The following APP variants were observed in gnomAD, a reference collection of about 807,000 sequenced individuals.
The protein encoded by APP is amyloid-beta precursor protein.
APP carries 31 observed loss-of-function variants against 101.4 expected under a neutral mutation model. The ratio of observed to expected loss-of-function variants is 0.31; its 90% confidence interval spans 0.23 to 0.41. The LOEUF is 0.41. Among genes scored for constraint, APP ranks in the 10% least tolerant of loss-of-function variants. The probability of loss-of-function intolerance (pLI) is 1.00; values close to 1 mark genes in which losing one functional copy is unlikely to be tolerated. For missense variants in APP, 839 were observed against 1,003.7 expected (o/e 0.84, Z 2.22); for synonymous variants, 366 against 364.4 (o/e 1.00, Z -0.05).
At chr21:25,897,295 TA>T (rs1286516688) in intron 16 of APP, among the ~76,000 whole-genome samples, 1 of 152,122 alleles carries the variant, frequency 6.6e-6, no homozygotes, top group African/African-American at 2.4e-5. Flanking sequence ...TTTGTATTTT[TA>T]GTAGAGATGG....
chr21:25,891,781 T>A lies in APP; in HGVS notation c.2152A>T (p.Ile718Phe), dbSNP rs1257634077. The change falls in exon 17 of 18, where the codon ATC becomes TTC. Residue 718 changes from isoleucine (I) to phenylalanine (F), a missense_variant. Ile to Phe is a conservative substitution (Grantham distance 21). Coordinates refer to ENST00000346798, the MANE Select transcript of APP (RefSeq NM_000484.4). ...TTCTTCTTCAGCATCACCAAGGTGATGACGATCACTGTCGCTATGACAACA... is the reference window on the plus strand; with the variant it reads ...TTCTTCTTCAGCATCACCAAGGTGAAGACGATCACTGTCGCTATGACAACA... ...GGVVIATVIV[I>F]TLVMLKKKQY... The A allele has an allele frequency of 1.2e-6, 2 of 1,614,196 alleles. No individual in the cohort carries two copies. Among genetic ancestry groups the A allele is most frequent in the Non-Finnish European group, 1.7e-6 (2 of 1,180,022 alleles).
intron 5 of APP, among the ~76,000 whole-genome samples, chr21:26,033,097 G>A (rs575548738): frequency 6.6e-6 from 1 of 152,294 alleles, no homozygotes; most frequent in Non-Finnish European, 1.5e-5. Flanking sequence ...TGTAGAAACA[G>A]GGAATGGCAC....
intron 11 of APP, among the ~76,000 whole-genome samples, chr21:25,959,326 G>C (rs1021163843): frequency 3.3e-5 from 5 of 152,156 alleles, no homozygotes; most frequent in Admixed American, 6.5e-5. Flanking sequence ...CCAGCTACTC[G>C]GGAGGCTGAG....
intron 3 of APP, among the ~76,000 whole-genome samples, chr21:26,064,767 G>A (rs976576031): frequency 1.3e-5 from 2 of 152,178 alleles, no homozygotes; most frequent in African/African-American, 4.8e-5. Flanking sequence ...AAGGAGATGA[G>A]GGCTCAGATG....
chr21:25,952,997 G>A lies in APP; in HGVS notation c.1687+1593C>T, dbSNP rs112820171. Among the ~76,000 whole-genome samples, 19 of 152,332 alleles carry A rather than the reference G, an allele frequency of 1.2e-4. 1 individual carries two copies. The highest frequency in any genetic ancestry group is 4.6e-4 in the African/African-American group (19 of 41,566). On this transcript the variant is annotated intron_variant, in intron 13 of 17. Coordinates refer to ENST00000346798, the MANE Select transcript of APP (RefSeq NM_000484.4). The stretch of plus-strand genomic sequence containing the variant: ...GAGATCTCTGTTCTCAATTCATGGT[G>A]TAGACTAAAAACTCCACCTCCACTA...
chr21:26,044,656 C>T (rs1278802202), intron 5 of APP, among the ~76,000 whole-genome samples: 1 of 152,136 alleles, frequency 6.6e-6, no homozygotes, highest in Non-Finnish European at 1.5e-5. Flanking sequence ...TCTCCTGCCT[C>T]AGCCTCCCGA....
intron 8 of APP, among the ~76,000 whole-genome samples, chr21:25,984,599 C>T (rs968431333): frequency 6.6e-6 from 1 of 151,848 alleles, no homozygotes; most frequent in African/African-American, 2.4e-5. Flanking sequence ...TGCTAAATAC[C>T]ACGTTCTTAC....
chr21:26,093,564 C>A (rs909646528), intron 2 of APP, among the ~76,000 whole-genome samples: 2 of 152,102 alleles, frequency 1.3e-5, no homozygotes, highest in African/African-American at 4.8e-5. Context: ...ATAGTTGGTG[C>A]AACAGGGCAG....
At chr21:26,107,079 C>T (rs1364878836) in intron 2 of APP, among the ~76,000 whole-genome samples, 1 of 152,188 alleles carries the variant, frequency 6.6e-6, no homozygotes, top group African/African-American at 2.4e-5. Context: ...GATTCTACAG[C>T]ATGTTCCTCC....
At chr21:26,159,080 T>C (rs1334629220) in intron 1 of APP, among the ~76,000 whole-genome samples, 8 of 151,512 alleles carry the variant, frequency 5.3e-5, no homozygotes, top group Middle Eastern at 3.4e-3. Context: ...AACAATAAGA[T>C]AGTAAATTTT....
intron 3 of APP, among the ~76,000 whole-genome samples, chr21:26,079,734 T>C (rs547477841): frequency 6.6e-6 from 1 of 152,294 alleles, no homozygotes; most frequent in African/African-American, 2.4e-5. Flanking sequence ...CGTGTGAAAT[T>C]TAAATTATAC....
chr21:26,145,736 TG>T, intron 1 of APP, among the ~76,000 whole-genome samples: 1 of 152,348 alleles, frequency 6.6e-6, no homozygotes, highest in South Asian at 2.1e-4. Flanking sequence ...CACTTGAATC[TG>T]CTACTGACAT....
At chr21:25,909,266 CAAAAAAAAA>C (rs35504500) in intron 14 of APP, among the ~76,000 whole-genome samples, 2 of 76,226 alleles carry the variant, frequency 2.6e-5, no homozygotes, top group East Asian at 3.3e-4. Flanking sequence ...GACTCCGTCT[CAAAAAAAAA>C]AAAAAAAAAA....
chr21:26,127,179 T>C (rs1214411959), intron 1 of APP, among the ~76,000 whole-genome samples: 3 of 137,090 alleles, frequency 2.2e-5, no homozygotes, highest in Admixed American at 1.5e-4. Context: ...ATCTTGAGGG[T>C]TAATTATCCA....
chr21:26,140,833 G>A (rs1174801393), intron 1 of APP, among the ~76,000 whole-genome samples: 2 of 152,222 alleles, frequency 1.3e-5, no homozygotes, highest in Non-Finnish European at 2.9e-5. Context: ...ATGGCAAGAA[G>A]TACTGCCAAA....
chr21:26,001,180 CATCTT>C (rs1452550531), intron 6 of APP, among the ~76,000 whole-genome samples: 1 of 152,214 alleles, frequency 6.6e-6, no homozygotes, highest in Non-Finnish European at 1.5e-5. Context: ...CATTAAAACA[CATCTT>C]ACCTGTCAAC....
intron 6 of APP, among the ~76,000 whole-genome samples, chr21:26,010,696 C>T (rs1171587796): frequency 6.6e-6 from 1 of 151,636 alleles, no homozygotes; most frequent in African/African-American, 2.4e-5. Context: ...TGGCAGGTGC[C>T]TGTAATCCCA....
At chr21:26,012,191 G>T (rs1451942248) in intron 6 of APP, among the ~76,000 whole-genome samples, 4 of 151,104 alleles carry the variant, frequency 2.6e-5, no homozygotes, top group Non-Finnish European at 5.9e-5. Flanking sequence ...TTTTTTTTTG[G>T]TCTCCCTATG....
At chr21:25,896,710 G>C (rs2038074940) in intron 16 of APP, among the ~76,000 whole-genome samples, 1 of 152,126 alleles carries the variant, frequency 6.6e-6, no homozygotes. Flanking sequence ...AACATTAGGG[G>C]GGAAAAGTGA....
Sources: allele counts gnomAD v4.1 joint callset (sites outside exome capture counted in the v4.1 genomes callset), GRCh38; gene constraint gnomAD v4.1.1; transcripts MANE v1.5; gene names NCBI Gene and HGNC (gene_info 2026-07-23, HGNC 2026-07-21).